Variants in TRAPPC9 observed in about 807,000 individuals in gnomAD.
The protein encoded by TRAPPC9 is trafficking protein particle complex subunit 9.
A neutral mutation model predicts 124.0 loss-of-function variants in TRAPPC9; 83 were observed. That is an observed-to-expected ratio of 0.67 (90% CI 0.56 to 0.80). The LOEUF (loss-of-function observed/expected upper bound fraction) is 0.80. Ranked by LOEUF, TRAPPC9 falls within the 30% of genes least tolerant of loss-of-function variation. TRAPPC9 has a pLI of 0.00. For synonymous variants in TRAPPC9, 638 were observed against 617.5 expected (o/e 1.03, Z -0.49); for missense variants, 1,302 against 1,508.3 (o/e 0.86, Z 2.27).
intron 17 of TRAPPC9, among the ~76,000 whole-genome samples, chr8:140,119,593 C>T (rs563445789): frequency 6.6e-6 from 1 of 152,324 alleles, no homozygotes; most frequent in African/African-American, 2.4e-5. Flanking sequence ...ATTTCCATAA[C>T]CTATTAAGTA....
intron 9 of TRAPPC9, among the ~76,000 whole-genome samples, chr8:140,347,666 G>A (rs2067390503): frequency 6.6e-6 from 1 of 152,146 alleles, no homozygotes; most frequent in Non-Finnish European, 1.5e-5. Context: ...GCCCCACTTG[G>A]CCTTGTTGTA....
intron 18 of TRAPPC9, among the ~76,000 whole-genome samples, chr8:140,000,828 C>T (rs1043296417): frequency 1.3e-5 from 2 of 152,076 alleles, no homozygotes; most frequent in African/African-American, 2.4e-5. Flanking sequence ...GTGTGGCGAT[C>T]CCTCAAGGAT....
chr8:140,172,520 T>G (rs1428120437), intron 17 of TRAPPC9, among the ~76,000 whole-genome samples: 2 of 150,076 alleles, frequency 1.3e-5, no homozygotes, highest in African/African-American at 4.9e-5. Context: ...GGAGGGGGAG[T>G]TAAACTACCT....
chr8:140,034,174 T>C (rs1371348066), intron 17 of TRAPPC9, among the ~76,000 whole-genome samples: 1 of 152,236 alleles, frequency 6.6e-6, no homozygotes, highest in Non-Finnish European at 1.5e-5. Flanking sequence ...ACACAAGACT[T>C]GGCACAAAGC....
At chr8:140,388,576 A>G (rs1365868451) in intron 7 of TRAPPC9, among the ~76,000 whole-genome samples, 3 of 151,816 alleles carry the variant, frequency 2.0e-5, no homozygotes, top group Non-Finnish European at 2.9e-5. Flanking sequence ...CCAGCTACTC[A>G]GGAGGCTGAG....
chr8:139,794,201 G>A (rs2130626766), intron 21 of TRAPPC9, among the ~76,000 whole-genome samples: 1 of 152,314 alleles, frequency 6.6e-6, no homozygotes, highest in East Asian at 1.9e-4. Context: ...CAGAGGCCTG[G>A]CTCCCACTGT....
At chr8:140,094,624 G>C (rs1844805740) in intron 17 of TRAPPC9, among the ~76,000 whole-genome samples, 1 of 152,164 alleles carries the variant, frequency 6.6e-6, no homozygotes, top group Admixed American at 6.5e-5. Context: ...AGAGGGGAGG[G>C]AAGGAGAGGG....
chr8:139,955,986 C>T (rs1834946403), intron 19 of TRAPPC9, among the ~76,000 whole-genome samples: 1 of 152,136 alleles, frequency 6.6e-6, no homozygotes. Context: ...TCTGGGTCCT[C>T]GTTTCTCCCG....
In TRAPPC9 at chr8:140,423,153, A is replaced by G. The variant is rs147209293; in HGVS notation, c.886+3462T>C. Among the ~76,000 whole-genome samples the G allele has an allele frequency of 3.9e-5, 6 of 152,208 alleles. No individual in the cohort carries two copies. The East Asian group carries it at 1.2e-3, about 29-fold the overall frequency. On this transcript the variant is annotated intron_variant, in intron 5 of 22. Coordinates refer to ENST00000438773, the MANE Select transcript of TRAPPC9 (RefSeq NM_001160372.4). ...ACATACACATAATAGAATTTAAAAC[A>G]TATGGGCCAGGCACAGTGGCTCACA...
chr8:139,967,085 A>G (rs968744381), intron 19 of TRAPPC9, among the ~76,000 whole-genome samples: 2 of 152,210 alleles, frequency 1.3e-5, no homozygotes, highest in Non-Finnish European at 2.9e-5. Context: ...CGAAACACTC[A>G]GGGCCCCTTC....
chr8:139,750,966 G>A (rs1819271721), intron 21 of TRAPPC9, among the ~76,000 whole-genome samples: 1 of 152,220 alleles, frequency 6.6e-6, no homozygotes, highest in South Asian at 2.1e-4. Flanking sequence ...CAGGCAGTGT[G>A]ATGGAGTCTC....
intron 17 of TRAPPC9, among the ~76,000 whole-genome samples, chr8:140,120,754 T>C (rs922903835): frequency 1.4e-5 from 2 of 141,254 alleles, no homozygotes; most frequent in South Asian, 4.6e-4. Flanking sequence ...ATCCATTCAT[T>C]CATCCATCCA....
chr8:140,112,142 G>C (rs1048128695), intron 17 of TRAPPC9, among the ~76,000 whole-genome samples: 1 of 151,758 alleles, frequency 6.6e-6, no homozygotes, highest in Non-Finnish European at 1.5e-5. Context: ...GGCACGAGGA[G>C]AGTAATGGAG....
chr8:140,281,737 C>G (rs1444618339), intron 14 of TRAPPC9, among the ~76,000 whole-genome samples: 1 of 152,182 alleles, frequency 6.6e-6, no homozygotes, highest in Non-Finnish European at 1.5e-5. Flanking sequence ...AGCTTTTAAA[C>G]TCAGGTCTAC....
At position 140,405,632 on chromosome 8, in the gene TRAPPC9, A is replaced by G; in HGVS notation, c.953T>C (p.Leu318Pro). ...STEIGRAKNC[L>P]SPEDIIDKYK... ...CTTGTCAATTATGTCTTCAGGGCTA[A>G]GGCAGTTCTTAGCACGTCCGATCTC... Residue 318 changes from leucine to proline, a missense_variant, in exon 6 of 23, where the codon CTT becomes CCT. Physicochemically the swap from Leu to Pro is moderately conservative, Grantham distance 98. Around this residue, in one of 3 missense-constraint regions of TRAPPC9, gnomAD observed 657 missense variants for 811.2 expected, o/e 0.81. Transcript: ENST00000438773. 1 of 1,614,170 alleles carries G rather than the reference A, an allele frequency of 6.2e-7. No homozygotes were observed. The highest frequency in any genetic ancestry group is 8.5e-7 in the Non-Finnish European group (1 of 1,179,990).
At chr8:139,940,228 A>G (rs963373921) in intron 19 of TRAPPC9, among the ~76,000 whole-genome samples, 4 of 152,176 alleles carry the variant, frequency 2.6e-5, no homozygotes, top group Admixed American at 2.0e-4. Context: ...ACTTCTGAAC[A>G]GTTCTGGCAG....
intron 10 of TRAPPC9, among the ~76,000 whole-genome samples, chr8:140,310,826 C>G (rs982049010): frequency 6.6e-6 from 1 of 151,992 alleles, no homozygotes; most frequent in African/African-American, 2.4e-5. Flanking sequence ...AAGGTGGGAG[C>G]TGGCAAGTGC....
intron 17 of TRAPPC9, among the ~76,000 whole-genome samples, chr8:140,217,560 C>T (rs1449645991): frequency 1.3e-5 from 2 of 151,934 alleles, no homozygotes; most frequent in Non-Finnish European, 2.9e-5. Context: ...CAGCATAATA[C>T]AAATAAATAT....
chr8:140,388,956 C>CTTT (rs1244741598), intron 7 of TRAPPC9, among the ~76,000 whole-genome samples: 1 of 125,394 alleles, frequency 8.0e-6, no homozygotes, highest in South Asian at 2.5e-4. Flanking sequence ...CAAACACTGT[C>CTTT]TTTTTTTTTT....
Sources: allele counts gnomAD v4.1 joint callset (sites outside exome capture counted in the v4.1 genomes callset), GRCh38; gene constraint gnomAD v4.1.1; regional missense constraint gnomAD v4.1.1; transcripts MANE v1.5; gene names NCBI Gene and HGNC (gene_info 2026-07-23, HGNC 2026-07-21).